Variants in RAB2A observed in about 807,000 individuals in gnomAD.
RAB2A encodes ras-related protein Rab-2A.
A neutral mutation model predicts 32.5 loss-of-function variants in RAB2A; 7 were observed. The ratio of observed to expected loss-of-function variants is 0.22; its 90% CI spans 0.12 to 0.40. The LOEUF (loss-of-function observed/expected upper bound fraction) is 0.40, where lower values mean the gene tolerates loss of function less well. Among genes scored for constraint, RAB2A ranks in the 10% least tolerant of loss-of-function variants. RAB2A has a pLI of 1.00. For synonymous variants in RAB2A, 79 were observed against 85.2 expected (o/e 0.93, Z 0.40); for missense variants, 108 against 260.7 (o/e 0.41, Z 4.03).
intron 6 of RAB2A, among the ~76,000 whole-genome samples, chr8:60,602,889 T>C (rs761991124): frequency 2.0e-5 from 3 of 152,172 alleles, no homozygotes; most frequent in Non-Finnish European, 1.5e-5. Flanking sequence ...TAAGCAGAGC[T>C]CTATGGGAGA....
At chr8:60,527,894 A>G (rs547998539) in intron 1 of RAB2A, among the ~76,000 whole-genome samples, 2 of 152,324 alleles carry the variant, frequency 1.3e-5, no homozygotes, top group South Asian at 4.1e-4. Flanking sequence ...GGCATAACTC[A>G]TTGAATCTAT....
rs1252137917 is a variant in RAB2A at position 60,548,518 on chromosome 8, A to AC, written c.47-10327dup. ...GGGCGGCTGGCCGGGCGGGGGGCTG[A>AC]CCCCCCCACCTCCCTCCCGGACGGG... On this transcript the variant is annotated intron_variant, in intron 1 of 7. Coordinates refer to ENST00000262646, the MANE Select transcript of RAB2A (RefSeq NM_002865.3). Among the ~76,000 whole-genome samples the AC allele has an allele frequency of 9.7e-3, 681 of 70,218 alleles. 10 individuals are homozygous for AC. Among genetic ancestry groups the AC allele is most frequent in the Non-Finnish European group, 0.013 (525 of 39,486 alleles). The allele number at this position is 70,218 out of a possible 152,430, so 46.1% of individuals were successfully genotyped here.
intron 1 of RAB2A, among the ~76,000 whole-genome samples, chr8:60,545,222 A>G (rs1303619924): frequency 9.9e-6 from 1 of 101,468 alleles, no homozygotes; most frequent in African/African-American, 8.1e-5. Flanking sequence ...TTGCCTTAAA[A>G]TGCAAGAGGA....
rs1370618121 is a variant in RAB2A, at chr8:60,591,985, T to G, written c.474+16T>G. 5 of 1,435,322 alleles carry G rather than the reference T, an allele frequency of 3.5e-6. No homozygotes were observed. Among genetic ancestry groups the G allele is most frequent in the Middle Eastern group, 1.8e-4 (1 of 5,514 alleles). The allele number at this position is 1,435,322 out of a possible 1,614,324, so 88.9% of individuals were successfully genotyped here. A position where few individuals can be genotyped will look rare whatever the true frequency, so the allele number is the denominator to read the frequency against. ...TGTAGAAGAGGTAAATAAGAGGCCCTTTAAAATCTTCATCTTTATACTTAA... is the reference window on the plus strand; with the variant it reads ...TGTAGAAGAGGTAAATAAGAGGCCCGTTAAAATCTTCATCTTTATACTTAA... On this transcript the variant is annotated intron_variant, in intron 6 of 7. Transcript: ENST00000262646.
intron 1 of RAB2A, among the ~76,000 whole-genome samples, chr8:60,519,329 C>T (rs1033113297): frequency 6.6e-6 from 1 of 150,744 alleles, no homozygotes; most frequent in African/African-American, 2.5e-5. Flanking sequence ...CCTTCTTTCC[C>T]GCTATTCCCC....
At chr8:60,529,844 TGAGCTGGGTGCTA>T (rs2130809608) in intron 1 of RAB2A, among the ~76,000 whole-genome samples, 1 of 152,348 alleles carries the variant, frequency 6.6e-6, no homozygotes, top group East Asian at 1.9e-4. Flanking sequence ...CCTGCCTCCT[TGAGCTGGGTGCTA>T]GAGTTTTAGA....
At chr8:60,523,692 A>ATTTTT (rs775682052) in intron 1 of RAB2A, among the ~76,000 whole-genome samples, 2 of 129,334 alleles carry the variant, frequency 1.5e-5, no homozygotes, top group Admixed American at 7.7e-5. Context: ...GTTAACCTTC[A>ATTTTT]TTTTTTTTTT....
At chr8:60,590,586 T>TTA (rs58871213) in intron 5 of RAB2A, among the ~76,000 whole-genome samples, 20 of 109,650 alleles carry the variant, frequency 1.8e-4, no homozygotes, top group South Asian at 1.3e-3. Flanking sequence ...TATATGTATT[T>TTA]TATATATATA....
chr8:60,552,004 T>TTTTTTTTTTTTTTG (rs1307617171), intron 1 of RAB2A: 6 of 136,072 alleles, frequency 4.4e-5, no homozygotes, highest in Middle Eastern at 3.8e-3. Context: ...GCTGGGAGTT[T>TTTTTTTTTTTTTTG]TTTTTTTTTT....
chr8:60,530,392 C>T (rs1807458767), intron 1 of RAB2A, among the ~76,000 whole-genome samples: 1 of 151,984 alleles, frequency 6.6e-6, no homozygotes, highest in Non-Finnish European at 1.5e-5. Flanking sequence ...GTGATCTGCC[C>T]ACCTCAACCT....
intron 1 of RAB2A, among the ~76,000 whole-genome samples, chr8:60,536,980 T>C (rs897108847): frequency 6.6e-6 from 1 of 152,208 alleles, no homozygotes; most frequent in African/African-American, 2.4e-5. Context: ...TAAAAGAGAA[T>C]AGAAGTGTTC....
At chr8:60,588,462 A>G (rs1803883013) in intron 5 of RAB2A, among the ~76,000 whole-genome samples, 1 of 152,228 alleles carries the variant, frequency 6.6e-6, no homozygotes, top group Non-Finnish European at 1.5e-5. Flanking sequence ...GAATCGAAAA[A>G]TAGTGATACA....
chr8:60,526,431 G>A (rs1041767087), intron 1 of RAB2A, among the ~76,000 whole-genome samples: 1 of 152,074 alleles, frequency 6.6e-6, no homozygotes, highest in Non-Finnish European at 1.5e-5. Flanking sequence ...GCCATCCCAA[G>A]TCTCTCTGTT....
intron 6 of RAB2A, among the ~76,000 whole-genome samples, chr8:60,607,428 C>CAAAAAA (rs773988383): frequency 3.5e-5 from 2 of 57,486 alleles, no homozygotes; most frequent in African/African-American, 1.4e-4. Context: ...GACTCCATCT[C>CAAAAAA]AAAAAAAAAA....
At chr8:60,595,870 C>T (rs867136523) in intron 6 of RAB2A, among the ~76,000 whole-genome samples, 2 of 152,140 alleles carry the variant, frequency 1.3e-5, no homozygotes, top group Admixed American at 6.5e-5. Flanking sequence ...GTATTGAAAT[C>T]ATACGGAATG....
chr8:60,593,142 A>G (rs934100267), intron 6 of RAB2A, among the ~76,000 whole-genome samples: 2 of 152,222 alleles, frequency 1.3e-5, no homozygotes, highest in Non-Finnish European at 2.9e-5. Flanking sequence ...CTTAGGTAAA[A>G]TATTATACAG....
intron 1 of RAB2A, among the ~76,000 whole-genome samples, chr8:60,544,288 C>T (rs146630011): frequency 0.051 from 7,712 of 151,340 alleles, 261 homozygotes; most frequent in East Asian, 0.16. Context: ...GATCTGCCCA[C>T]CTCAGCCTCC....
intron 3 of RAB2A, among the ~76,000 whole-genome samples, chr8:60,583,101 G>C (rs1280183835): frequency 6.6e-6 from 1 of 150,718 alleles, no homozygotes; most frequent in Non-Finnish European, 1.5e-5. Context: ...GTATTGTAGA[G>C]TGTTGAGTGT....
At chr8:60,614,976 T>G (rs1312775842) in intron 6 of RAB2A, among the ~76,000 whole-genome samples, 3 of 152,204 alleles carry the variant, frequency 2.0e-5, no homozygotes, top group Non-Finnish European at 4.4e-5. Context: ...TGTTTATACT[T>G]CATAATCGTG....
Sources: allele counts gnomAD v4.1 joint callset (sites outside exome capture counted in the v4.1 genomes callset), GRCh38; gene constraint gnomAD v4.1.1; transcripts MANE v1.5; gene names NCBI Gene and HGNC (gene_info 2026-07-23, HGNC 2026-07-21).